Variants in SPATA17 observed in about 807,000 individuals in gnomAD.
SPATA17 encodes the protein spermatogenesis associated 17.
SPATA17 carries 53 observed loss-of-function variants against 62.2 expected under a neutral mutation model. The observed-to-expected ratio is 0.85, with a 90% CI of 0.68 to 1.07. The LOEUF is 1.07. Ranked by LOEUF, SPATA17 falls within the 50% of genes least tolerant of loss-of-function variation. SPATA17 has a pLI of 0.00. For missense variants in SPATA17, 466 were observed against 425.5 expected (o/e 1.10, Z -0.84); for synonymous variants, 146 against 146.8 (o/e 0.99, Z 0.04).
chr1:217,710,901 G>A (rs2102926378), intron 5 of SPATA17, among the ~76,000 whole-genome samples: 1 of 152,152 alleles, frequency 6.6e-6, no homozygotes, highest in Non-Finnish European at 1.5e-5. Flanking sequence ...GCTCAGTCTG[G>A]ACATTTCATA....
At chr1:217,768,244 A>G (rs926693622) in intron 6 of SPATA17, among the ~76,000 whole-genome samples, 1 of 152,056 alleles carries the variant, frequency 6.6e-6, no homozygotes, top group African/African-American at 2.4e-5. Flanking sequence ...GCTCCGTCTC[A>G]AAAAAATAAA....
chr1:217,726,312 T>C (rs1672255755), intron 5 of SPATA17, among the ~76,000 whole-genome samples: 1 of 152,222 alleles, frequency 6.6e-6, no homozygotes, highest in Non-Finnish European at 1.5e-5. Context: ...GTTTCATCAG[T>C]TGACCTTATT....
intron 5 of SPATA17, among the ~76,000 whole-genome samples, chr1:217,725,573 G>A (rs936910536): frequency 6.6e-6 from 1 of 152,034 alleles, no homozygotes; most frequent in Non-Finnish European, 1.5e-5. Flanking sequence ...AGGAAGTCTG[G>A]TCCCCCAGCC....
intron 6 of SPATA17, among the ~76,000 whole-genome samples, chr1:217,769,043 G>A (rs1030554151): frequency 3.9e-5 from 6 of 151,976 alleles, no homozygotes; most frequent in Non-Finnish European, 5.9e-5. Flanking sequence ...CCCTTTCTCA[G>A]TATTCTATTT....
Position 217,868,643 on chromosome 1 carries a change from C to T in SPATA17, c.*1624C>T, listed in dbSNP as rs1676067157. ...TGGTTTCTACTGAATGCATTGTAAA[C>T]CAGAAAGTATCTGAGACAATGTTTT... On this transcript the variant is annotated 3_prime_UTR_variant, in exon 11 of 11. Transcript: ENST00000366933. 6.9e-6 allele frequency: 1 copy of T among 145,362 alleles called. No individual in the cohort carries two copies. Among genetic ancestry groups the T allele is most frequent in the African/African-American group, 2.5e-5 (1 of 39,472 alleles). The allele number at this position is 145,362 out of a possible 1,614,324, so 9.0% of individuals were successfully genotyped here.
At chr1:217,701,205 C>A (rs1320371651) in intron 5 of SPATA17, among the ~76,000 whole-genome samples, 2 of 151,860 alleles carry the variant, frequency 1.3e-5, no homozygotes, top group Non-Finnish European at 2.9e-5. Flanking sequence ...AAACTCCTGA[C>A]CTCAAGTGAT....
intron 4 of SPATA17, among the ~76,000 whole-genome samples, chr1:217,680,477 G>C (rs561173084): frequency 3.3e-5 from 5 of 152,028 alleles, no homozygotes; most frequent in Non-Finnish European, 7.3e-5. Context: ...TATAATATTG[G>C]TAAAATTAGG....
intron 8 of SPATA17, among the ~76,000 whole-genome samples, chr1:217,794,073 G>A (rs192654613): frequency 7.5e-5 from 11 of 146,612 alleles, no homozygotes; most frequent in African/African-American, 2.8e-4. Context: ...CCAAGATCGC[G>A]CCACTGCACT....
chr1:217,809,142 G>A (rs753518664), intron 9 of SPATA17, among the ~76,000 whole-genome samples: 3 of 152,130 alleles, frequency 2.0e-5, no homozygotes, highest in Non-Finnish European at 4.4e-5. Context: ...TTATAAATAT[G>A]GGATTGCCAA....
intron 6 of SPATA17, among the ~76,000 whole-genome samples, chr1:217,770,978 A>AATTTTTT (rs1553251071): frequency 0.067 from 3,340 of 50,216 alleles, 727 homozygotes; most frequent in Non-Finnish European, 0.09. Flanking sequence ...AACTCATTGC[A>AATTTTTT]TTTTTTTTTT....
chr1:217,730,798 ACT>A (rs1672387296), intron 5 of SPATA17, among the ~76,000 whole-genome samples: 1 of 151,966 alleles, frequency 6.6e-6, no homozygotes. Flanking sequence ...TTTTAAAAAA[ACT>A]CTGTGATAGG....
intron 9 of SPATA17, among the ~76,000 whole-genome samples, chr1:217,802,114 G>A (rs1381394450): frequency 6.6e-6 from 1 of 152,012 alleles, no homozygotes; most frequent in Non-Finnish European, 1.5e-5. Flanking sequence ...ATATGACCAG[G>A]TGGTCAGGGC....
chr1:217,834,487 C>T lies in SPATA17; in HGVS notation c.1006-28287C>T, dbSNP rs761490487. 2.6e-5 allele frequency among the ~76,000 whole-genome samples: 4 copies of T among 152,064 alleles called. No homozygotes were observed. The East Asian group carries it at 7.7e-4, about 29-fold the overall frequency. On this transcript the variant is annotated intron_variant, in intron 9 of 10. Transcript: ENST00000366933. The stretch of plus-strand genomic sequence containing the variant: ...GGTGGAAGATGGTGACGTAGATGAT[C>T]ATGACCCTGTGTAGGCCTAGGCTAA...
intron 9 of SPATA17, among the ~76,000 whole-genome samples, chr1:217,820,294 T>A (rs1362835453): frequency 1.3e-5 from 2 of 152,014 alleles, no homozygotes; most frequent in East Asian, 1.9e-4. Context: ...TTTAAGAAGT[T>A]TTCTCTGGAT....
At position 217,715,921 on chromosome 1, in the gene SPATA17, A is replaced by T. The variant is rs190743573; in HGVS notation, c.396-26054A>T. ...TTAAATGCTGTCTTTGTAGTCTGCT[A>T]ATTTGCATTTGTTTTCAAGGATGAA... On this transcript the variant is annotated intron_variant, in intron 5 of 10. Coordinates refer to ENST00000366933, the MANE Select transcript of SPATA17 (RefSeq NM_138796.4). Among the ~76,000 whole-genome samples, 121 of 152,298 alleles carry T rather than the reference A, an allele frequency of 7.9e-4. 1 individual carries two copies. Among genetic ancestry groups the T allele is most frequent in the African/African-American group, 2.9e-3 (119 of 41,576 alleles).
intron 5 of SPATA17, among the ~76,000 whole-genome samples, chr1:217,704,274 C>T (rs1306316270): frequency 4.0e-5 from 4 of 100,808 alleles, no homozygotes; most frequent in Admixed American, 1.6e-4. Context: ...GACGGAGTCT[C>T]GCTCTGTCGC....
chr1:217,665,492 T>C (rs1670676066), intron 3 of SPATA17: 1 of 152,184 alleles, frequency 6.6e-6, no homozygotes, highest in Non-Finnish European at 1.5e-5. Flanking sequence ...TGTTCAGTCA[T>C]AGGAAAAGAA....
At chr1:217,694,881 T>C (rs1671421156) in intron 5 of SPATA17, among the ~76,000 whole-genome samples, 1 of 141,228 alleles carries the variant, frequency 7.1e-6, no homozygotes. Flanking sequence ...CTGATGGGCT[T>C]CCCTTTGAGG....
At chr1:217,658,491 G>A (rs1030366796) in intron 3 of SPATA17, among the ~76,000 whole-genome samples, 2 of 152,100 alleles carry the variant, frequency 1.3e-5, no homozygotes, top group Admixed American at 6.5e-5. Context: ...GGGTGTGGAG[G>A]CTCACACCTG....
Sources: gnomAD v4.1 joint callset for allele counts (sites outside exome capture counted in the v4.1 genomes callset) on GRCh38, gnomAD v4.1.1 for gene constraint, MANE v1.5 for transcripts, NCBI Gene and HGNC (gene_info 2026-07-23, HGNC 2026-07-21) for gene names.